AHCTF1: variants seen among roughly 807,000 people sequenced by gnomAD.
AHCTF1 encodes the protein protein ELYS.
Under a neutral mutation model 248.4 loss-of-function variants are expected in AHCTF1, and 24 were observed. That is an observed-to-expected ratio of 0.10 (90% CI 0.07 to 0.14). The LOEUF (loss-of-function observed/expected upper bound fraction) is 0.14, where lower values mean the gene tolerates loss of function less well. Ranked by LOEUF, AHCTF1 falls within the 10% of genes least tolerant of loss-of-function variation. The pLI is 1.00. For synonymous variants in AHCTF1, 786 were observed against 929.8 expected (o/e 0.85, Z 2.81); for missense variants, 2,206 against 2,636.2 (o/e 0.84, Z 3.57).
chr1:246,839,462 T>A lies in AHCTF1; in HGVS notation c.*1344A>T, dbSNP rs929800908. ...AGCTTAAATACAAGTTTGATAACTA[T>A]CATTAAAAAAGTAATAAAATCAAAG... On this transcript the variant is annotated 3_prime_UTR_variant, in exon 36 of 36. Transcript: ENST00000648844. The A allele has an allele frequency of 2.3e-5, 19 of 835,876 alleles. No individual in the cohort carries two copies. In the African/African-American group the frequency reaches 3.5e-4, roughly 16 times the overall value. The allele number at this position is 835,876 out of a possible 1,614,324, so 51.8% of individuals were successfully genotyped here.
At chr1:246,895,721 T>G (rs1341822623) in intron 13 of AHCTF1, 114 bp downstream of exon 13, 1 of 841,880 alleles carries the variant, frequency 1.2e-6, no homozygotes, top group Non-Finnish European at 1.8e-6. Context: ...TCTTAACAAC[T>G]GCATGTGGAT....
intron 4 of AHCTF1, among the ~76,000 whole-genome samples, chr1:246,911,189 C>T (rs932766911): frequency 2.6e-5 from 4 of 152,132 alleles, no homozygotes; most frequent in Non-Finnish European, 4.4e-5. Flanking sequence ...GATGTTTTAA[C>T]GCCACCATAT....
intron 6 of AHCTF1, among the ~76,000 whole-genome samples, chr1:246,904,602 GA>G (rs936878324): frequency 3.3e-5 from 5 of 152,098 alleles, no homozygotes; most frequent in African/African-American, 1.2e-4. Flanking sequence ...GAAGGGTGGG[GA>G]AAAAATTTTT....
At chr1:246,869,230 A>G (rs548607907) in intron 24 of AHCTF1, among the ~76,000 whole-genome samples, 8 of 152,044 alleles carry the variant, frequency 5.3e-5, no homozygotes, top group Admixed American at 2.0e-4. Context: ...AACAGCGTGT[A>G]CTTACTCCAC....
Position 246,842,236 on chromosome 1 carries a change from C to T in AHCTF1, c.6608+458G>A, listed in dbSNP as rs184229649. ...TTTCTGATGAGCTTAATTTCCTTTT[C>T]GTAAAATTAAGGGTCTTCTCAAATC... On this transcript the variant is annotated intron_variant, in intron 35 of 35. Transcript: ENST00000648844. Among the ~76,000 whole-genome samples, 328 of 152,078 alleles carry T rather than the reference C, an allele frequency of 2.2e-3. 1 individual carries two copies. Among genetic ancestry groups the T allele is most frequent in the Non-Finnish European group, 3.9e-3 (266 of 68,008 alleles).
At chr1:246,889,377 T>C (rs111560082) in intron 17 of AHCTF1, among the ~76,000 whole-genome samples, 111 of 152,322 alleles carry the variant, frequency 7.3e-4, no homozygotes, top group African/African-American at 2.5e-3. Flanking sequence ...GTCCTGCACA[T>C]ACTATTTTAT....
intron 24 of AHCTF1, among the ~76,000 whole-genome samples, chr1:246,870,053 T>G (rs536895019): frequency 2.3e-5 from 3 of 132,768 alleles, no homozygotes; most frequent in Middle Eastern, 7.1e-3. Context: ...TGTAAGAAGG[T>G]GATTCCATCT....
chr1:246,918,440 G>T (rs1200496575), intron 1 of AHCTF1, 63 bp from the exon 2 acceptor site: 1 of 1,419,632 alleles, frequency 7.0e-7, no homozygotes, highest in East Asian at 2.6e-5. Flanking sequence ...ACTTGATTAT[G>T]TCCAGCCAGG....
At chr1:246,923,005 GTATCAATAGTATTCTTAATAGCC>G (rs1218731192) in intron 1 of AHCTF1, among the ~76,000 whole-genome samples, 57 of 105,202 alleles carry the variant, frequency 5.4e-4, no homozygotes, top group African/African-American at 1.4e-3. Flanking sequence ...AAAAAAAAAA[GTATCAATAGTATTCTTAATAGCC>G]TATCAATAGT....
At chr1:246,926,046 TAAAA>T (rs35982364) in intron 1 of AHCTF1, among the ~76,000 whole-genome samples, 3 of 121,262 alleles carry the variant, frequency 2.5e-5, no homozygotes, top group Admixed American at 8.7e-5. Context: ...ACCCTGTCTT[TAAAA>T]AAAAAAAAAA....
intron 24 of AHCTF1, among the ~76,000 whole-genome samples, chr1:246,869,243 A>G (rs778980579): frequency 1.2e-4 from 18 of 152,074 alleles, no homozygotes; most frequent in Non-Finnish European, 2.5e-4. Flanking sequence ...TACTCCACTG[A>G]CTAACTGTTC....
At chr1:246,907,157 G>A (rs897746629) in intron 5 of AHCTF1, among the ~76,000 whole-genome samples, 1 of 152,102 alleles carries the variant, frequency 6.6e-6, no homozygotes, top group Admixed American at 6.6e-5. Context: ...GAATACTGCA[G>A]GCAACTATAA....
chr1:246,913,066 G>C (rs1665917614), intron 4 of AHCTF1, among the ~76,000 whole-genome samples, 166 bp downstream of exon 4: 1 of 151,068 alleles, frequency 6.6e-6, no homozygotes, highest in Non-Finnish European at 1.5e-5. Context: ...ACTGTGCTCA[G>C]GTCCAGACAA....
At position 246,842,687 on chromosome 1, in the gene AHCTF1, G is replaced by A. The variant is rs1313660524; in HGVS notation, c.6608+7C>T. On this transcript the variant is annotated splice_region_variant and intron_variant, in intron 35 of 35. Coordinates refer to ENST00000648844, the MANE Select transcript of AHCTF1 (RefSeq NM_001323342.2). ...CAATCAATCAAGAACAGAACAGAAA[G>A]TCATACTTGCTTGCTTGTTTTGTTT... The A allele has an allele frequency of 1.9e-6, 3 of 1,612,130 alleles. No individual in the cohort carries two copies. Among genetic ancestry groups the A allele is most frequent in the Admixed American group, 1.7e-5 (1 of 60,014 alleles).
chr1:246,883,020 T>C (rs1253176598), intron 21 of AHCTF1, among the ~76,000 whole-genome samples: 1 of 152,230 alleles, frequency 6.6e-6, no homozygotes, highest in Non-Finnish European at 1.5e-5. Context: ...TTTGCTACAA[T>C]AAGTGCTGTT....
chr1:246,915,500 A>AT (rs1010308794), intron 3 of AHCTF1, among the ~76,000 whole-genome samples: 3 of 151,790 alleles, frequency 2.0e-5, no homozygotes, highest in Non-Finnish European at 4.4e-5. Flanking sequence ...CTGTACTACT[A>AT]TTTTTCCATG....
In AHCTF1 at chr1:246,898,328, A is replaced by C. The variant is rs748797163; in HGVS notation, c.1503T>G (p.Thr501=). Reference sequence around the variant, plus strand: ...GTGATGGACCTGATTTCTTTAAAAAAGTCAAAGTCTGTAACAGATAAATTA... The same window carrying C: ...GTGATGGACCTGATTTCTTTAAAAACGTCAAAGTCTGTAACAGATAAATTA... The part of the protein sequence containing the change: ...TCTGFQKETL[T]FLKKSGPSLN... Residue 501 remains threonine (T), a synonymous_variant, in exon 12 of 36, where the codon ACT becomes ACG. Coordinates refer to ENST00000648844, the MANE Select transcript of AHCTF1 (RefSeq NM_001323342.2). The C allele has an allele frequency of 1.2e-6, 2 of 1,613,248 alleles. No individual in the cohort carries two copies. The highest frequency in any genetic ancestry group is 2.7e-5 in the African/African-American group (2 of 75,036).
chr1:246,889,588 C>A (rs946643831), intron 17 of AHCTF1, among the ~76,000 whole-genome samples: 1 of 152,104 alleles, frequency 6.6e-6, no homozygotes, highest in Non-Finnish European at 1.5e-5. Flanking sequence ...AGAATTACAG[C>A]CGGCACAGAT....
chr1:246,926,814 C>T (rs192506408), intron 1 of AHCTF1, among the ~76,000 whole-genome samples: 1 of 152,068 alleles, frequency 6.6e-6, no homozygotes, highest in East Asian at 1.9e-4. Flanking sequence ...CGACACTGCA[C>T]CATTGCACTC....
Sources: gnomAD v4.1 joint callset for allele counts (sites outside exome capture counted in the v4.1 genomes callset) on GRCh38, gnomAD v4.1.1 for gene constraint, MANE v1.5 for transcripts, NCBI Gene and HGNC (gene_info 2026-07-23, HGNC 2026-07-21) for gene names.